TMEM167A: variants seen among roughly 807,000 people sequenced by gnomAD.
The protein encoded by TMEM167A is transmembrane protein 167A.
TMEM167A carries 8 observed loss-of-function variants against 11.6 expected under a neutral mutation model. The ratio of observed to expected loss-of-function variants is 0.69; its 90% CI spans 0.40 to 1.24. The LOEUF is 1.24. Ranked by LOEUF, TMEM167A falls within the 50% of genes most tolerant of loss-of-function variation. The pLI, the probability that TMEM167A is intolerant of heterozygous loss-of-function variation, is 0.01. For synonymous variants in TMEM167A, 22 were observed against 28.0 expected, an observed-to-expected ratio of 0.79 and a Z score of 0.67; for missense variants, 62 against 87.0, an observed-to-expected ratio of 0.71 and a Z score of 1.14.
At position 83,056,793 on chromosome 5, in the gene TMEM167A, T is replaced by C; in HGVS notation, c.*291A>G. 2.5e-6 allele frequency: 1 copy of C among 407,188 alleles called. No individual in the cohort carries two copies. The allele number at this position is 407,188 out of a possible 1,614,324, so 25.2% of individuals were successfully genotyped here. A position where few individuals can be genotyped will look rare whatever the true frequency, so the allele number is the denominator to read the frequency against. ...CAATTTTGTTTTCTACTATGTGCCT[T>C]AGAGATACCTCACTAAAATTTTGTA... On this transcript the variant is annotated 3_prime_UTR_variant, in exon 4 of 4. Transcript: ENST00000502346.
At chr5:83,065,223 G>C (rs1035762874) in intron 1 of TMEM167A, 106 bp from the exon 2 acceptor site, 4 of 697,454 alleles carry the variant, frequency 5.7e-6, no homozygotes, top group South Asian at 2.0e-5. Flanking sequence ...TCTTCAAGAA[G>C]GCAAGCAGAA....
chr5:83,071,761 T>C (rs527341802), intron 1 of TMEM167A, among the ~76,000 whole-genome samples: 2 of 152,290 alleles, frequency 1.3e-5, no homozygotes, highest in East Asian at 3.9e-4. Context: ...TCAGTTTAAT[T>C]TGAGAGCAAG....
chr5:83,066,372 C>T (rs532259671), intron 1 of TMEM167A, among the ~76,000 whole-genome samples: 3 of 152,230 alleles, frequency 2.0e-5, no homozygotes, highest in Admixed American at 2.0e-4. Context: ...TGAGTGCTTA[C>T]TTGAAAAGTC....
At chr5:83,065,219 A>G (rs1280477342) in intron 1 of TMEM167A, 102 bp from the exon 2 acceptor site, 1 of 714,774 alleles carries the variant, frequency 1.4e-6, no homozygotes, top group Non-Finnish European at 2.3e-6. Flanking sequence ...TATTTCTTCA[A>G]GAAGGCAAGC....
Position 83,056,874 on chromosome 5 carries a change from GTTGA to G in TMEM167A, c.*206_*209del, listed in dbSNP as rs1744339912. 1 of 594,370 alleles carries G rather than the reference GTTGA, an allele frequency of 1.7e-6. No individual in the cohort carries two copies. The highest frequency in any genetic ancestry group is 3.0e-6 in the Non-Finnish European group (1 of 335,438). 36.8% of individuals were successfully genotyped at this position (594,370 alleles called of 1,614,324 possible). ...GTAATATTGTAGTGACAGTACTGAG[GTTGA>G]TTGTTACAGACTATTAAATGGTTAC... On this transcript the variant is annotated 3_prime_UTR_variant, in exon 4 of 4. Coordinates refer to ENST00000502346, the MANE Select transcript of TMEM167A (RefSeq NM_174909.5).
In TMEM167A at chr5:83,055,264, TC is replaced by T. The variant is rs1160593853; in HGVS notation, c.*1819del. 6.6e-6 allele frequency: 1 copy of T among 152,022 alleles called. No individual in the cohort carries two copies. Among genetic ancestry groups the T allele is most frequent in the African/African-American group, 2.4e-5 (1 of 41,406 alleles). The allele number at this position is 152,022 out of a possible 1,614,324, so 9.4% of individuals were successfully genotyped here. A position where few individuals can be genotyped will look rare whatever the true frequency, so the allele number is the denominator to read the frequency against. Reference sequence around the variant, plus strand: ...AAATGTCTTAGAATATCTAGAATATTCTTCCTCTTTTCATATTCGATTTGTC... The same window carrying T: ...AAATGTCTTAGAATATCTAGAATATTTTCCTCTTTTCATATTCGATTTGTC... On this transcript the variant is annotated 3_prime_UTR_variant, in exon 4 of 4. Transcript: ENST00000502346.
At chr5:83,061,978 T>C (rs977940763) in intron 2 of TMEM167A, 67 bp from the exon 3 acceptor site, 2 of 1,281,432 alleles carry the variant, frequency 1.6e-6, no homozygotes, top group Non-Finnish European at 2.3e-6. Flanking sequence ...ATTCTCTTGA[T>C]ATCATATAGG....
At chr5:83,074,498 T>C (rs1744609396) in intron 1 of TMEM167A, among the ~76,000 whole-genome samples, 1 of 152,246 alleles carries the variant, frequency 6.6e-6, no homozygotes, top group Admixed American at 6.5e-5. Flanking sequence ...TTATGAAATG[T>C]GGGCAATCAT....
chr5:83,071,681 C>T (rs148399255), intron 1 of TMEM167A, among the ~76,000 whole-genome samples: 1 of 152,102 alleles, frequency 6.6e-6, no homozygotes, highest in South Asian at 2.1e-4. Context: ...GCATTATTAG[C>T]GTATAAATTT....
At chr5:83,072,601 T>G (rs1464418833) in intron 1 of TMEM167A, among the ~76,000 whole-genome samples, 1 of 152,156 alleles carries the variant, frequency 6.6e-6, no homozygotes, top group African/African-American at 2.4e-5. Flanking sequence ...TGATCTCGGC[T>G]CATTGCAACC....
intron 1 of TMEM167A, among the ~76,000 whole-genome samples, chr5:83,065,677 A>G (rs1460387158): frequency 6.6e-6 from 1 of 152,194 alleles, no homozygotes; most frequent in African/African-American, 2.4e-5. Flanking sequence ...GAGTAAGTAT[A>G]ATGCAATTAT....
At position 83,053,591 on chromosome 5, in the gene TMEM167A, T is replaced by C. The variant is rs769098948; in HGVS notation, c.*3493A>G. ...TGTGTTAGGCAGGAGGAAAAACATA[T>C]TCAATTTTGAGGTAGGTAATCAACA... On this transcript the variant is annotated 3_prime_UTR_variant, in exon 4 of 4. Transcript: ENST00000502346. 16 of 152,002 alleles carry C rather than the reference T, an allele frequency of 1.1e-4. No individual in the cohort carries two copies. Among genetic ancestry groups the C allele is most frequent in the Non-Finnish European group, 2.1e-4 (14 of 67,934 alleles). The allele number at this position is 152,002 out of a possible 1,614,324, so 9.4% of individuals were successfully genotyped here.
intron 3 of TMEM167A, among the ~76,000 whole-genome samples, chr5:83,060,762 C>T (rs1274016852): frequency 6.6e-6 from 1 of 150,384 alleles, no homozygotes; most frequent in African/African-American, 2.4e-5. Flanking sequence ...ACCTGGGAGG[C>T]GGAGCTTGCA....
intron 2 of TMEM167A, among the ~76,000 whole-genome samples, chr5:83,063,100 A>G (rs1298570719): frequency 1.3e-5 from 2 of 152,134 alleles, no homozygotes; most frequent in Admixed American, 6.5e-5. Flanking sequence ...ATTTCAAAGT[A>G]TGAATATTCT....
In TMEM167A at chr5:83,055,948, AT is replaced by A. The variant is rs1321161981; in HGVS notation, c.*1135del. 6.6e-6 allele frequency: 1 copy of A among 151,988 alleles called. No individual in the cohort carries two copies. The highest frequency in any genetic ancestry group is 1.5e-5 in the Non-Finnish European group (1 of 67,920). The allele number at this position is 151,988 out of a possible 1,614,324, so 9.4% of individuals were successfully genotyped here. ...CTCGTAGCTCTGAAATTTTAACTGA[AT>A]TTTAGTTGAACCTTAAGAAATGTTA... is the stretch of plus-strand genomic sequence containing the variant. On this transcript the variant is annotated 3_prime_UTR_variant, in exon 4 of 4. Coordinates refer to ENST00000502346, the MANE Select transcript of TMEM167A (RefSeq NM_174909.5).
chr5:83,069,080 A>G (rs1744525687), intron 1 of TMEM167A, among the ~76,000 whole-genome samples: 1 of 152,238 alleles, frequency 6.6e-6, no homozygotes, highest in Admixed American at 6.5e-5. Context: ...GAAGCCATTT[A>G]CAAAAGAAAA....
rs915672769 is a variant in TMEM167A at position 83,057,243 on chromosome 5, C to T, written c.149-89G>A. 40 of 1,277,102 alleles carry T rather than the reference C, an allele frequency of 3.1e-5. No homozygotes were observed. The African/African-American group carries it at 5.4e-4, about 17-fold the overall frequency. 79.1% of individuals were successfully genotyped at this position (1,277,102 alleles called of 1,614,324 possible). The stretch of plus-strand genomic sequence containing the variant: ...TATACTACCATAAGAATCAAGATAA[C>T]ATTCTTCCCTAGGAGGCCCGCACAT... On this transcript the variant is annotated intron_variant, in intron 3 of 3. Transcript: ENST00000502346.
chr5:83,057,897 G>A (rs1039261197), intron 3 of TMEM167A, among the ~76,000 whole-genome samples: 1 of 152,062 alleles, frequency 6.6e-6, no homozygotes, highest in Non-Finnish European at 1.5e-5. Context: ...GTCATTGTGA[G>A]TTAACTCAAA....
At chr5:83,064,386 TCTA>T (rs1162141431) in intron 2 of TMEM167A, 1 of 513,274 alleles carries the variant, frequency 1.9e-6, no homozygotes, top group African/African-American at 1.9e-5. Flanking sequence ...GGGAAAGTAT[TCTA>T]CTACTATGTA....
Sources: allele counts gnomAD v4.1 joint callset (sites outside exome capture counted in the v4.1 genomes callset), GRCh38; gene constraint gnomAD v4.1.1; transcripts MANE v1.5; gene names NCBI Gene and HGNC (gene_info 2026-07-23, HGNC 2026-07-21).